AP3B1: variants seen among roughly 807,000 people sequenced by gnomAD.
The protein encoded by AP3B1 is adaptor related protein complex 3 subunit beta 1.
In AP3B1, 61 loss-of-function variants were observed where a neutral mutation model predicts 132.5. The observed-to-expected ratio is 0.46, with a 90% CI of 0.37 to 0.57. The LOEUF (loss-of-function observed/expected upper bound fraction) is 0.57, where lower values mean the gene tolerates loss of function less well. Ranked by LOEUF, AP3B1 falls within the 20% of genes least tolerant of loss-of-function variation. AP3B1 has a pLI of 0.00. For missense variants in AP3B1, 1,120 were observed against 1,289.4 expected (o/e 0.87, Z 2.01); for synonymous variants, 388 against 438.3 (o/e 0.89, Z 1.43).
At chr5:78,024,303 G>T (rs1747234656) in intron 24 of AP3B1, among the ~76,000 whole-genome samples, 1 of 152,132 alleles carries the variant, frequency 6.6e-6, no homozygotes, top group African/African-American at 2.4e-5. Context: ...TGTATACAAA[G>T]TTCTCCAAAG....
At chr5:78,153,561 T>G (rs545958396) in intron 14 of AP3B1, among the ~76,000 whole-genome samples, 1 of 152,268 alleles carries the variant, frequency 6.6e-6, no homozygotes, top group East Asian at 1.9e-4. Flanking sequence ...ATGTTATTAT[T>G]GATAAGTAAG....
intron 1 of AP3B1, among the ~76,000 whole-genome samples, chr5:78,285,613 G>A (rs1431412616): frequency 6.6e-6 from 1 of 152,034 alleles, no homozygotes; most frequent in Non-Finnish European, 1.5e-5. Context: ...CCACATGGAT[G>A]CCTAATCGCA....
chr5:78,021,982 T>G lies in AP3B1; in HGVS notation c.2895-1193A>C, dbSNP rs138500556. On this transcript the variant is annotated intron_variant, in intron 24 of 26. Coordinates refer to ENST00000255194, the MANE Select transcript of AP3B1 (RefSeq NM_003664.5). ...TAGCTAGAGAAACAGGGATTGTGGA[T>G]AAGAAATACTAAACATTAGGTTAAG... Among the ~76,000 whole-genome samples, 18 of 152,266 alleles carry G rather than the reference T, an allele frequency of 1.2e-4. No homozygotes were observed. The East Asian group carries it at 3.5e-3, about 29-fold the overall frequency.
chr5:78,164,548 TTAAA>T (rs1452308452), intron 12 of AP3B1, among the ~76,000 whole-genome samples: 1 of 151,954 alleles, frequency 6.6e-6, no homozygotes, highest in East Asian at 1.9e-4. Flanking sequence ...GACCAATACT[TTAAA>T]TAAATAAAAT....
chr5:78,211,373 G>A (rs1317103275), intron 7 of AP3B1, among the ~76,000 whole-genome samples: 1 of 152,102 alleles, frequency 6.6e-6, no homozygotes, highest in African/African-American at 2.4e-5. Flanking sequence ...ACACTTAATT[G>A]TTCCTCAAAT....
intron 1 of AP3B1, among the ~76,000 whole-genome samples, chr5:78,268,569 T>A (rs1300407964): frequency 6.6e-6 from 1 of 152,102 alleles, no homozygotes; most frequent in African/African-American, 2.4e-5. Flanking sequence ...AAGTGAGCAA[T>A]GAAGAGGAAT....
intron 5 of AP3B1, 105 bp downstream of exon 5, chr5:78,227,267 T>C: frequency 1.9e-6 from 2 of 1,077,320 alleles, no homozygotes; most frequent in Non-Finnish European, 2.8e-6. Flanking sequence ...ATTTACTTAG[T>C]GTAAGAGCAG....
intron 2 of AP3B1, among the ~76,000 whole-genome samples, chr5:78,260,678 G>A (rs574987513): frequency 7.9e-5 from 12 of 152,142 alleles, no homozygotes; most frequent in Admixed American, 3.3e-4. Flanking sequence ...GTGGGACAGC[G>A]CTCATGCCTA....
At chr5:78,152,767 T>A (rs1753726518) in intron 14 of AP3B1, among the ~76,000 whole-genome samples, 1 of 152,184 alleles carries the variant, frequency 6.6e-6, no homozygotes, top group Non-Finnish European at 1.5e-5. Flanking sequence ...TTTCAAGAAA[T>A]TTTTCAATGT....
intron 24 of AP3B1, among the ~76,000 whole-genome samples, chr5:78,023,440 A>C (rs1181253370): frequency 1.1e-5 from 1 of 91,300 alleles, no homozygotes. Flanking sequence ...AGACCCCATC[A>C]AGAAAAGAAA....
At chr5:78,209,781 C>T (rs978866613) in intron 7 of AP3B1, among the ~76,000 whole-genome samples, 1 of 152,186 alleles carries the variant, frequency 6.6e-6, no homozygotes, top group Non-Finnish European at 1.5e-5. Context: ...AGAAGGGTCA[C>T]TCAGAAAAAT....
intron 17 of AP3B1, among the ~76,000 whole-genome samples, chr5:78,123,041 C>T (rs1480120957): frequency 1.3e-4 from 20 of 152,100 alleles, no homozygotes; most frequent in South Asian, 2.1e-4. Context: ...GAAATAATGC[C>T]GCATATCTAC....
chr5:78,287,151 T>A (rs959983420), intron 1 of AP3B1, among the ~76,000 whole-genome samples: 1 of 152,238 alleles, frequency 6.6e-6, no homozygotes, highest in Non-Finnish European at 1.5e-5. Flanking sequence ...GCTCTGGTAA[T>A]GTTGCTCCAA....
chr5:78,216,235 C>A lies in AP3B1; in HGVS notation c.606G>T (p.Leu202Phe). 1.2e-6 allele frequency: 2 copies of A among 1,613,636 alleles called. No individual in the cohort carries two copies. Among genetic ancestry groups the A allele is most frequent in the Non-Finnish European group, 1.7e-6 (2 of 1,179,764 alleles). ...IEKLLKDKST[L>F]VAGSVVMAFE... ...AAGCCATCACAACACTGCCAGCTACCAACTAGAAAAGAAAGAAATAGTAAC... is the reference window on the plus strand; with the variant it reads ...AAGCCATCACAACACTGCCAGCTACAAACTAGAAAAGAAAGAAATAGTAAC... Residue 202 changes from leucine to phenylalanine, a missense_variant and splice_region_variant, in exon 7 of 27, where the codon TTG becomes TTT. Leu to Phe is a conservative substitution (Grantham distance 22). Transcript: ENST00000255194.
At chr5:78,058,511 T>A (rs935750940) in intron 22 of AP3B1, among the ~76,000 whole-genome samples, 30 of 151,344 alleles carry the variant, frequency 2.0e-4, no homozygotes, top group Non-Finnish European at 3.8e-4. Flanking sequence ...AAAAAAAAAA[T>A]GTTATTATAA....
chr5:78,058,572 T>C (rs906548552), intron 22 of AP3B1, among the ~76,000 whole-genome samples: 11 of 152,292 alleles, frequency 7.2e-5, no homozygotes, highest in African/African-American at 2.4e-4. Flanking sequence ...AAGTGTTAAA[T>C]TTCCTGACCT....
chr5:78,124,400 G>A (rs541353068), intron 17 of AP3B1, among the ~76,000 whole-genome samples: 7 of 151,920 alleles, frequency 4.6e-5, no homozygotes, highest in South Asian at 2.1e-4. Context: ...ATTATAATGC[G>A]CAGCTACATT....
chr5:78,066,622 T>A lies in AP3B1; in HGVS notation c.2577+22771A>T, dbSNP rs1027673482. On this transcript the variant is annotated intron_variant, in intron 22 of 26. Coordinates refer to ENST00000255194, the MANE Select transcript of AP3B1 (RefSeq NM_003664.5). ...ACAGGCAGACAAAATTAGAGAAAAA[T>A]GAATGAAAAGGAACAAACAAAACCT... Among the ~76,000 whole-genome samples, 4 of 151,618 alleles carry A rather than the reference T, an allele frequency of 2.6e-5. No individual in the cohort carries two copies. In the East Asian group the frequency reaches 7.7e-4, roughly 29 times the overall value.
chr5:78,160,984 A>G (rs1409936041), intron 13 of AP3B1, among the ~76,000 whole-genome samples: 2 of 151,712 alleles, frequency 1.3e-5, no homozygotes, highest in Non-Finnish European at 2.9e-5. Flanking sequence ...TAAGTTTGTT[A>G]ATATTCACAC....
Sources: gnomAD v4.1 joint callset for allele counts (sites outside exome capture counted in the v4.1 genomes callset) on GRCh38, gnomAD v4.1.1 for gene constraint, MANE v1.5 for transcripts, NCBI Gene and HGNC (gene_info 2026-07-23, HGNC 2026-07-21) for gene names.